The following P2RX7 variants were observed in gnomAD, a reference collection of about 807,000 sequenced individuals.
The protein encoded by P2RX7 is purinergic receptor P2X 7, also known as P2X purinoceptor 7.
In P2RX7, 62 loss-of-function variants were observed where a neutral mutation model predicts 71.6. That is an observed-to-expected ratio of 0.87 (90% CI 0.71 to 1.07). The LOEUF is 1.07. Among genes scored for constraint, P2RX7 ranks in the 50% least tolerant of loss-of-function variants. The pLI, the probability that P2RX7 is intolerant of heterozygous loss-of-function variation, is 0.00. For synonymous variants in P2RX7, 299 were observed against 283.3 expected (o/e 1.06, Z -0.56); for missense variants, 686 against 748.5 (o/e 0.92, Z 0.97).
intron 12 of P2RX7, among the ~76,000 whole-genome samples, 198 bp from the exon 13 acceptor site, chr12:121,184,107 T>C (rs1018180732): frequency 6.6e-6 from 1 of 151,698 alleles, no homozygotes; most frequent in Non-Finnish European, 1.5e-5. Context: ...AAGGATACAT[T>C]ATCTCACAAG....
Position 121,165,383 on chromosome 12 carries a change from A to G in P2RX7, c.560A>G (p.Asn187Ser), listed in dbSNP as rs749858998. The G allele has an allele frequency of 6.2e-7, 1 of 1,613,926 alleles. No homozygotes were observed. The highest frequency in any genetic ancestry group is 1.1e-5 in the South Asian group (1 of 91,066). The stretch of plus-strand genomic sequence containing the variant: ...CCTGCTCTCTTGAACAGTGCCGAAA[A>G]CTTCACTGTGCTCATCAAGAACAAT... Reference protein sequence around the residue: ...PRPALLNSAENFTVLIKNNID... With the variant: ...PRPALLNSAESFTVLIKNNID... Residue 187 changes from asparagine (N) to serine (S), a missense_variant, in exon 6 of 13, where the codon AAC becomes AGC. Asn to Ser is a conservative substitution (Grantham distance 46). Transcript: ENST00000328963.
At chr12:121,176,603 T>C (rs899291506) in intron 9 of P2RX7, among the ~76,000 whole-genome samples, 1 of 151,668 alleles carries the variant, frequency 6.6e-6, no homozygotes, top group African/African-American at 2.4e-5. Flanking sequence ...ATGCAAAAAA[T>C]TAGCTGGGCG....
chr12:121,180,557 C>A, intron 12 of P2RX7, 102 bp downstream of exon 12: 1 of 582,004 alleles, frequency 1.7e-6, no homozygotes, highest in Non-Finnish European at 3.0e-6. Flanking sequence ...TGGATTTTAA[C>A]AAAGTAAACA....
chr12:121,160,888 C>T lies in P2RX7; in HGVS notation c.364-14C>T, dbSNP rs1375316177. The T allele has an allele frequency of 6.2e-7, 1 of 1,606,520 alleles. No individual in the cohort carries two copies. The highest frequency in any genetic ancestry group is 8.5e-7 in the Non-Finnish European group (1 of 1,173,110). On this transcript the variant is annotated splice_polypyrimidine_tract_variant and intron_variant, in intron 3 of 12. Transcript: ENST00000328963. ...CGTCACTTACTCCCCACTCTGTCAT[C>T]CTTCTATCTGCAGTATCCCACCCGC...
intron 11 of P2RX7, among the ~76,000 whole-genome samples, chr12:121,178,970 C>T (rs1252340839): frequency 6.6e-6 from 1 of 151,448 alleles, no homozygotes; most frequent in Non-Finnish European, 1.5e-5. Context: ...TCTATATATA[C>T]ACAAGTGTAC....
Position 121,156,161 on chromosome 12 carries a change from C to A in P2RX7, c.363+14C>A. 1 of 1,610,560 alleles carries A rather than the reference C, an allele frequency of 6.2e-7. No homozygotes were observed. The highest frequency in any genetic ancestry group is 8.5e-7 in the Non-Finnish European group (1 of 1,176,740). On this transcript the variant is annotated intron_variant, in intron 3 of 12. Coordinates refer to ENST00000328963, the MANE Select transcript of P2RX7 (RefSeq NM_002562.6). ...TTGTGTCCCGAGGTAAGGAGGGGACCTGGAGTGGTGGGTCAGGTCTTAAGA... is the reference window on the plus strand; with the variant it reads ...TTGTGTCCCGAGGTAAGGAGGGGACATGGAGTGGTGGGTCAGGTCTTAAGA...
chr12:121,163,029 G>C (rs1880087521), intron 5 of P2RX7, among the ~76,000 whole-genome samples: 1 of 152,064 alleles, frequency 6.6e-6, no homozygotes, highest in African/African-American at 2.4e-5. Context: ...ATACAGATTT[G>C]GTGGTCCCTT....
intron 5 of P2RX7, 67 bp downstream of exon 5, chr12:121,162,587 G>A: frequency 6.4e-7 from 1 of 1,572,224 alleles, no homozygotes; most frequent in Non-Finnish European, 8.6e-7. Context: ...TGCCGAGGCT[G>A]CTTGGGCCTT....
intron 11 of P2RX7, among the ~76,000 whole-genome samples, chr12:121,179,369 G>A (rs186783012): frequency 1.4e-4 from 21 of 151,938 alleles, no homozygotes; most frequent in Non-Finnish European, 2.4e-4. Context: ...GCATGGTGGC[G>A]CATGCCTGTA....
At chr12:121,162,658 T>C (rs527834758) in intron 5 of P2RX7, 138 bp downstream of exon 5, 85 of 885,492 alleles carry the variant, frequency 9.6e-5, no homozygotes, top group Non-Finnish European at 1.3e-4. Flanking sequence ...CCCTGCGCTC[T>C]GGATGCACTG....
At chr12:121,169,327 C>T (rs1353160097) in intron 8 of P2RX7, among the ~76,000 whole-genome samples, 1 of 152,060 alleles carries the variant, frequency 6.6e-6, no homozygotes, top group Non-Finnish European at 1.5e-5. Context: ...ATTATTGTTC[C>T]AGTGAGTCCC....
chr12:121,150,154 A>G (rs560951020), intron 1 of P2RX7, among the ~76,000 whole-genome samples: 1 of 152,202 alleles, frequency 6.6e-6, no homozygotes, highest in South Asian at 2.1e-4. Context: ...CTACAAACTC[A>G]CTTTCATGAT....
In P2RX7 at chr12:121,166,187, G is replaced by C; in HGVS notation, c.744G>C (p.Gln248His). Residue 248 changes from glutamine to histidine, a missense_variant and splice_region_variant, in exon 7 of 13, where the codon CAG becomes CAC. By Grantham distance (24) the Gln-to-His change is conservative (BLOSUM62 0). Transcript: ENST00000328963. ...ATAATTTTTCAGATGTGGCAATTCAGGTTGGTGGTGCTTTGTACACTGGGA... is the reference window on the plus strand; with the variant it reads ...ATAATTTTTCAGATGTGGCAATTCACGTTGGTGGTGCTTTGTACACTGGGA... Reference protein sequence around the residue: ...TGDNFSDVAIQGGIMGIEIYW... With the variant: ...TGDNFSDVAIHGGIMGIEIYW... 6.2e-7 allele frequency: 1 copy of C among 1,612,596 alleles called. No homozygotes were observed. The highest frequency in any genetic ancestry group is 1.3e-5 in the African/African-American group (1 of 75,020).
Position 121,135,264 on chromosome 12 carries a change from G to A in P2RX7, c.125+2169G>A, listed in dbSNP as rs186671430. On this transcript the variant is annotated intron_variant, in intron 1 of 12. Coordinates refer to ENST00000328963, the MANE Select transcript of P2RX7 (RefSeq NM_002562.6). Reference sequence around the variant, plus strand: ...TGAGGCAGGAGAATCGCTTGAACCCGGAGGCGGAGGTTGCAGTGAGCCAAG... The same window carrying A: ...TGAGGCAGGAGAATCGCTTGAACCCAGAGGCGGAGGTTGCAGTGAGCCAAG... Among the ~76,000 whole-genome samples, 309 of 152,002 alleles carry A rather than the reference G, an allele frequency of 2.0e-3. 3 individuals carry two copies. The highest frequency in any genetic ancestry group is 0.019 in the Admixed American group (290 of 15,268).
At chr12:121,151,196 T>C (rs1422423279) in intron 1 of P2RX7, among the ~76,000 whole-genome samples, 7 of 151,986 alleles carry the variant, frequency 4.6e-5, no homozygotes. Flanking sequence ...AAATAGCCAC[T>C]GTGTTCCAGC....
chr12:121,176,349 T>C (rs1360565674), intron 9 of P2RX7, among the ~76,000 whole-genome samples: 1 of 152,014 alleles, frequency 6.6e-6, no homozygotes, highest in Non-Finnish European at 1.5e-5. Flanking sequence ...AAAATCAACA[T>C]ATCCCACGAC....
At chr12:121,148,860 C>T (rs1023582222) in intron 1 of P2RX7, 28 of 268,656 alleles carry the variant, frequency 1.0e-4, no homozygotes, top group Admixed American at 6.0e-4. Flanking sequence ...TTCTCTGTGC[C>T]GCACTGCAGG....
intron 6 of P2RX7, 102 bp downstream of exon 6, chr12:121,165,539 C>T (rs1450970943): frequency 1.1e-5 from 10 of 915,362 alleles, no homozygotes; most frequent in East Asian, 2.6e-5. Context: ...TTGTCTCCCA[C>T]GGTTTCTGTG....
At chr12:121,166,793 G>T (rs951842547) in intron 7 of P2RX7, among the ~76,000 whole-genome samples, 1 of 151,690 alleles carries the variant, frequency 6.6e-6, no homozygotes, top group Non-Finnish European at 1.5e-5. Context: ...TGTAATCCCA[G>T]CACTTTGGGA....
Sources: gnomAD v4.1 joint callset for allele counts (sites outside exome capture counted in the v4.1 genomes callset) on GRCh38, gnomAD v4.1.1 for gene constraint, MANE v1.5 for transcripts, NCBI Gene and HGNC (gene_info 2026-07-23, HGNC 2026-07-21) for gene names.